Variants in GMEB2 observed in about 807,000 individuals in gnomAD.
The protein encoded by GMEB2 is glucocorticoid modulatory element binding protein 2.
GMEB2 carries 7 observed loss-of-function variants against 45.7 expected under a neutral mutation model. That is an observed-to-expected ratio of 0.15 (90% CI 0.09 to 0.29). The LOEUF (loss-of-function observed/expected upper bound fraction) is 0.29, where lower values mean the gene tolerates loss of function less well. Ranked by LOEUF, GMEB2 falls within the 10% of genes least tolerant of loss-of-function variation. The pLI, the probability that GMEB2 is intolerant of heterozygous loss-of-function variation, is 1.00. For synonymous variants in GMEB2, 322 were observed against 323.6 expected (o/e 1.00, Z 0.05); for missense variants, 582 against 739.2 (o/e 0.79, Z 2.47).
chr20:63,616,524 A>G (rs1352564380), intron 2 of GMEB2, among the ~76,000 whole-genome samples: 1 of 152,264 alleles, frequency 6.6e-6, no homozygotes, highest in Admixed American at 6.5e-5. Context: ...AGAGCTTCCA[A>G]AGTGTAAACC....
rs943557531 is a variant in GMEB2 at position 63,589,058 on chromosome 20, G to A, written c.*1031C>T. ...CAGCCCAGGGGCTGCATGGGGGCCG[G>A]GGGCCAGGGAGCCAAGGGCTGTTCC... On this transcript the variant is annotated 3_prime_UTR_variant, in exon 10 of 10. Coordinates refer to ENST00000370077, the MANE Select transcript of GMEB2 (RefSeq NM_012384.5). The A allele has an allele frequency of 6.8e-5, 27 of 399,006 alleles. No homozygotes were observed. The highest frequency in any genetic ancestry group is 3.1e-5 in the Non-Finnish European group (7 of 226,460). The allele number at this position is 399,006 out of a possible 1,614,324, so 24.7% of individuals were successfully genotyped here. A position where few individuals can be genotyped will look rare whatever the true frequency, so the allele number is the denominator to read the frequency against.
chr20:63,604,246 C>T (rs2089501302), intron 3 of GMEB2, among the ~76,000 whole-genome samples: 1 of 148,346 alleles, frequency 6.7e-6, no homozygotes, highest in Admixed American at 6.8e-5. Context: ...GGTATGGTGG[C>T]ACATGCCTGT....
chr20:63,589,272 G>A lies in GMEB2; in HGVS notation c.*817C>T, dbSNP rs1171765320. The A allele has an allele frequency of 5.0e-6, 2 of 398,522 alleles. No individual in the cohort carries two copies. Among genetic ancestry groups the A allele is most frequent in the Non-Finnish European group, 8.8e-6 (2 of 226,096 alleles). 24.7% of individuals were successfully genotyped at this position (398,522 alleles called of 1,614,324 possible). A position where few individuals can be genotyped will look rare whatever the true frequency, so the allele number is the denominator to read the frequency against. On this transcript the variant is annotated 3_prime_UTR_variant, in exon 10 of 10. Coordinates refer to ENST00000370077, the MANE Select transcript of GMEB2 (RefSeq NM_012384.5). Reference sequence around the variant, plus strand: ...CCGCACCCGGTCAAGTGCACTCACAGGGGCTCAGGGGCCACCCAAAGAGCT... The same window carrying A: ...CCGCACCCGGTCAAGTGCACTCACAAGGGCTCAGGGGCCACCCAAAGAGCT...
Position 63,592,162 on chromosome 20 carries a change from A to G in GMEB2, c.830-18T>C. 6.2e-7 allele frequency: 1 copy of G among 1,609,622 alleles called. No individual in the cohort carries two copies. The highest frequency in any genetic ancestry group is 1.1e-5 in the South Asian group (1 of 90,828). ...TACAGCATCTTAAAGGGTAACGCGGACACTCAGTGAGAGCCCAAGCCCTTC... is the reference window on the plus strand; with the variant it reads ...TACAGCATCTTAAAGGGTAACGCGGGCACTCAGTGAGAGCCCAAGCCCTTC... On this transcript the variant is annotated intron_variant, in intron 8 of 9. Coordinates refer to ENST00000370077, the MANE Select transcript of GMEB2 (RefSeq NM_012384.5). The surrounding 1 kb of genome is among the most constrained non-coding windows in gnomAD (Gnocchi z 8.2).
At chr20:63,613,506 C>A (rs1484210074) in intron 2 of GMEB2, among the ~76,000 whole-genome samples, 3 of 149,820 alleles carry the variant, frequency 2.0e-5, no homozygotes, top group Non-Finnish European at 4.4e-5. Flanking sequence ...TTTATTACTA[C>A]AACATTTTTG....
rs972686297 is a variant in GMEB2 at position 63,619,112 on chromosome 20, G to A, written c.131+155C>T. Among the ~76,000 whole-genome samples, 7 of 152,086 alleles carry A rather than the reference G, an allele frequency of 4.6e-5. No homozygotes were observed. Among genetic ancestry groups the A allele is most frequent in the Admixed American group, 1.3e-4 (2 of 15,268 alleles). ...CCCCGTGCCATTTCTGCTTTTCTTC[G>A]CTCTCTACTTACACACACATTTGAG... is the stretch of plus-strand genomic sequence containing the variant. On this transcript the variant is annotated intron_variant, in intron 2 of 9. Coordinates refer to ENST00000370077, the MANE Select transcript of GMEB2 (RefSeq NM_012384.5). The surrounding 1 kb of genome is among the most constrained non-coding windows in gnomAD (Gnocchi z 4.6).
rs550238375 is a variant in GMEB2 at position 63,595,577 on chromosome 20, G to A, written c.619+33C>T. On this transcript the variant is annotated intron_variant, in intron 6 of 9. Transcript: ENST00000370077. ...CCTCTGTGGCCATGGCCAGGGTGGGGCTGGGTCAGGACGAGCAGCCCTGTG... is the reference window on the plus strand; with the variant it reads ...CCTCTGTGGCCATGGCCAGGGTGGGACTGGGTCAGGACGAGCAGCCCTGTG... 11 of 1,559,268 alleles carry A rather than the reference G, an allele frequency of 7.1e-6. No homozygotes were observed. In the African/African-American group the frequency reaches 9.5e-5, roughly 13 times the overall value.
Position 63,604,048 on chromosome 20 carries a change from C to G in GMEB2, c.229+695G>C, listed in dbSNP as rs111377612. On this transcript the variant is annotated intron_variant, in intron 3 of 9. Coordinates refer to ENST00000370077, the MANE Select transcript of GMEB2 (RefSeq NM_012384.5). Reference sequence around the variant, plus strand: ...TAGCCTGGGCGACAGAGTGAGACTCCGTCTCAAAAAAAAAAAAAAAAACAG... The same window carrying G: ...TAGCCTGGGCGACAGAGTGAGACTCGGTCTCAAAAAAAAAAAAAAAAACAG... Among the ~76,000 whole-genome samples the G allele has an allele frequency of 4.8e-5, 5 of 104,118 alleles. No individual in the cohort carries two copies. In the South Asian group the frequency reaches 1.4e-3, roughly 29 times the overall value. 68.3% of individuals were successfully genotyped at this position (104,118 alleles called of 152,430 possible). A position where few individuals can be genotyped will look rare whatever the true frequency, so the allele number is the denominator to read the frequency against.
chr20:63,612,721 C>T (rs1339572717), intron 2 of GMEB2, among the ~76,000 whole-genome samples: 5 of 151,982 alleles, frequency 3.3e-5, no homozygotes, highest in African/African-American at 7.3e-5. Context: ...GATCACAGAC[C>T]GGGCAAAGCA....
chr20:63,626,762 A>G (rs1052458137), intron 1 of GMEB2, among the ~76,000 whole-genome samples, 194 bp downstream of exon 1: 2 of 144,092 alleles, frequency 1.4e-5, no homozygotes, highest in South Asian at 2.2e-4. Flanking sequence ...CGCGCCCGCC[A>G]CCGCCCGCGC....
At chr20:63,622,195 A>G (rs886310344) in intron 1 of GMEB2, among the ~76,000 whole-genome samples, 1 of 152,142 alleles carries the variant, frequency 6.6e-6, no homozygotes, top group Non-Finnish European at 1.5e-5. Context: ...TAAAATCATC[A>G]TTGTTAATAT....
At chr20:63,602,591 G>A (rs1049931065) in intron 4 of GMEB2, among the ~76,000 whole-genome samples, 8 of 152,128 alleles carry the variant, frequency 5.3e-5, no homozygotes, top group African/African-American at 7.2e-5. Context: ...TGGCATTTTC[G>A]GCTGTTCCAC....
At chr20:63,623,701 G>C (rs778763288) in intron 1 of GMEB2, among the ~76,000 whole-genome samples, 4 of 152,114 alleles carry the variant, frequency 2.6e-5, no homozygotes, top group Non-Finnish European at 5.9e-5. Flanking sequence ...GGGAGGCTGA[G>C]GCAGGAGAAT....
At chr20:63,599,034 G>A (rs2083221167) in intron 4 of GMEB2, among the ~76,000 whole-genome samples, 1 of 152,192 alleles carries the variant, frequency 6.6e-6, no homozygotes, top group Admixed American at 6.5e-5. Context: ...CAGCTAGGAA[G>A]CTACATGCTG....
At chr20:63,620,609 A>C (rs1264635318) in intron 1 of GMEB2, among the ~76,000 whole-genome samples, 1 of 152,252 alleles carries the variant, frequency 6.6e-6, no homozygotes, top group African/African-American at 2.4e-5. Context: ...GCCACTGCCC[A>C]GGTCTCAGAT....
chr20:63,615,814 T>TGG (rs2146088349), intron 2 of GMEB2, among the ~76,000 whole-genome samples: 1 of 152,270 alleles, frequency 6.6e-6, no homozygotes, highest in South Asian at 2.1e-4. Context: ...GCTCCCTTTG[T>TGG]GGGGGTTCAT....
At position 63,604,637 on chromosome 20, in the gene GMEB2, G is replaced by C. The variant is rs148481039; in HGVS notation, c.229+106C>G. 4,824 of 754,256 alleles carry C rather than the reference G, an allele frequency of 6.4e-3. 42 individuals carry two copies. The highest frequency in any genetic ancestry group is 7.6e-3 in the Admixed American group (410 of 54,140). 46.7% of individuals were successfully genotyped at this position (754,256 alleles called of 1,614,324 possible). A position where few individuals can be genotyped will look rare whatever the true frequency, so the allele number is the denominator to read the frequency against. On this transcript the variant is annotated intron_variant, in intron 3 of 9. Coordinates refer to ENST00000370077, the MANE Select transcript of GMEB2 (RefSeq NM_012384.5). ...GGGCACACAGCTTGGGAATCAGCCCGAACAAAGACCTTGTATATCTCTGGC... is the reference window on the plus strand; with the variant it reads ...GGGCACACAGCTTGGGAATCAGCCCCAACAAAGACCTTGTATATCTCTGGC...
intron 4 of GMEB2, among the ~76,000 whole-genome samples, chr20:63,601,828 TG>T (rs1721621078): frequency 6.7e-6 from 1 of 149,346 alleles, no homozygotes; most frequent in Non-Finnish European, 1.5e-5. Context: ...CTGTGCTGCC[TG>T]TGGCTTCCGT....
At position 63,593,075 on chromosome 20, in the gene GMEB2, C is replaced by T; in HGVS notation, c.627G>A (p.Gly209=). The change falls in exon 7 of 10, where the codon GGG becomes GGA. Residue 209 remains glycine, a synonymous_variant. Coordinates refer to ENST00000370077, the MANE Select transcript of GMEB2 (RefSeq NM_012384.5). The surrounding 1 kb of genome is among the most constrained non-coding windows in gnomAD (Gnocchi z 4.7). ...TCTCTATGGTGATGGTCGCAGGAGA[C>T]CCATTCACTGCAGCCGAAAGGGAAC... ...PLTPAAADVN[G]SPATITIETC... The T allele has an allele frequency of 2.5e-6, 4 of 1,609,264 alleles. No homozygotes were observed. Among genetic ancestry groups the T allele is most frequent in the Non-Finnish European group, 3.4e-6 (4 of 1,176,514 alleles).
Sources: allele counts gnomAD v4.1 joint callset (sites outside exome capture counted in the v4.1 genomes callset), GRCh38; gene constraint gnomAD v4.1.1; non-coding constraint Gnocchi (gnomAD v3.1); transcripts MANE v1.5; gene names NCBI Gene and HGNC (gene_info 2026-07-23, HGNC 2026-07-21).